The following GRIK2 variants were observed in gnomAD, a reference collection of about 807,000 sequenced individuals.
The protein encoded by GRIK2 is glutamate receptor ionotropic, kainate 2.
GRIK2 carries 32 observed loss-of-function variants against 100.3 expected under a neutral mutation model. The ratio of observed to expected loss-of-function variants is 0.32; its 90% CI spans 0.24 to 0.43. GRIK2 has a LOEUF of 0.43. Ranked by LOEUF, GRIK2 falls within the 20% of genes least tolerant of loss-of-function variation. GRIK2 has a pLI of 1.00. For synonymous variants in GRIK2, 417 were observed against 389.4 expected (o/e 1.07, Z -0.83); for missense variants, 843 against 1,114.9 (o/e 0.76, Z 3.47).
chr6:102,061,425 C>T (rs1006151451), intron 16 of GRIK2, among the ~76,000 whole-genome samples: 6 of 150,406 alleles, frequency 4.0e-5, no homozygotes, highest in Non-Finnish European at 9.0e-5. Context: ...AACAGTGTTT[C>T]AACCATATCA....
At chr6:102,065,750 A>T (rs1771986099) in intron 16 of GRIK2, 1 of 1,282,060 alleles carries the variant, frequency 7.8e-7, no homozygotes, top group Non-Finnish European at 1.1e-6. Flanking sequence ...TCAAGTTTTG[A>T]CCATGTTATG....
At chr6:101,621,556 T>C (rs748141437) in intron 2 of GRIK2, among the ~76,000 whole-genome samples, 3 of 152,162 alleles carry the variant, frequency 2.0e-5, no homozygotes, top group South Asian at 2.1e-4. Flanking sequence ...ATGAAGAGGA[T>C]TGATTATTCT....
chr6:101,936,801 A>G (rs904693385), intron 14 of GRIK2, among the ~76,000 whole-genome samples: 1 of 152,182 alleles, frequency 6.6e-6, no homozygotes, highest in African/African-American at 2.4e-5. Flanking sequence ...CATATGAGTC[A>G]AAGACTTTCC....
At chr6:101,540,785 T>G (rs987659334) in intron 2 of GRIK2, among the ~76,000 whole-genome samples, 2 of 152,010 alleles carry the variant, frequency 1.3e-5, no homozygotes, top group African/African-American at 4.8e-5. Flanking sequence ...ACAGATATAA[T>G]GTAATTATAT....
At chr6:101,456,091 T>C (rs1417745621) in intron 2 of GRIK2, among the ~76,000 whole-genome samples, 1 of 151,514 alleles carries the variant, frequency 6.6e-6, no homozygotes, top group Non-Finnish European at 1.5e-5. Context: ...CTTTAAGTTG[T>C]TGGACATTAG....
chr6:101,983,050 G>A (rs560112464), intron 14 of GRIK2, among the ~76,000 whole-genome samples: 43 of 151,900 alleles, frequency 2.8e-4, no homozygotes, highest in African/African-American at 1.0e-3. Context: ...ATGAAGTAAT[G>A]TCTTTATTTT....
chr6:101,422,684 G>T (rs1582414127), intron 2 of GRIK2, among the ~76,000 whole-genome samples: 1 of 149,754 alleles, frequency 6.7e-6, no homozygotes, highest in Admixed American at 6.7e-5. Flanking sequence ...AAAAAAAAAA[G>T]AAGAAGAAAC....
At chr6:101,603,371 A>G (rs1468986542) in intron 2 of GRIK2, among the ~76,000 whole-genome samples, 1 of 151,654 alleles carries the variant, frequency 6.6e-6, no homozygotes, top group Non-Finnish European at 1.5e-5. Flanking sequence ...GGTGGATAAG[A>G]CAGAGTCTTG....
chr6:101,674,065 A>G (rs961148632), intron 4 of GRIK2, among the ~76,000 whole-genome samples: 3 of 152,152 alleles, frequency 2.0e-5, no homozygotes, highest in African/African-American at 7.2e-5. Flanking sequence ...ACCTTTATGA[A>G]GTTGAGAATC....
intron 14 of GRIK2, among the ~76,000 whole-genome samples, chr6:101,982,801 A>AC (rs1432297358): frequency 1.3e-5 from 2 of 151,662 alleles, no homozygotes; most frequent in African/African-American, 2.4e-5. Flanking sequence ...GCCCTCAGGT[A>AC]CCCGTTACCT....
chr6:101,644,818 C>T (rs1229774197), intron 4 of GRIK2, among the ~76,000 whole-genome samples: 1 of 151,618 alleles, frequency 6.6e-6, no homozygotes, highest in East Asian at 1.9e-4. Context: ...ATTTTCTCAC[C>T]CTCTTTGAGG....
intron 2 of GRIK2, among the ~76,000 whole-genome samples, chr6:101,502,627 G>C (rs1773818784): frequency 2.6e-5 from 4 of 151,860 alleles, no homozygotes; most frequent in Admixed American, 2.6e-4. Flanking sequence ...TAATTACTTT[G>C]AAGAACAGTA....
intron 16 of GRIK2, among the ~76,000 whole-genome samples, chr6:102,061,063 A>T (rs1005766803): frequency 1.2e-4 from 18 of 150,464 alleles, no homozygotes; most frequent in African/African-American, 4.4e-4. Context: ...ATGAATTTTT[A>T]AAATGTCTTG....
intron 7 of GRIK2, among the ~76,000 whole-genome samples, chr6:101,789,880 A>C (rs1443306729): frequency 3.3e-5 from 5 of 152,068 alleles, no homozygotes; most frequent in South Asian, 2.1e-4. Flanking sequence ...CTTTTATTTC[A>C]TTGAGCAGTG....
chr6:101,638,908 GC>G (rs1218212649), intron 4 of GRIK2, among the ~76,000 whole-genome samples: 1 of 152,020 alleles, frequency 6.6e-6, no homozygotes, highest in African/African-American at 2.4e-5. Flanking sequence ...GATTGCTTGA[GC>G]CCAGGAAGTT....
At chr6:101,747,208 ATTTTAACAC>A (rs1352345280) in intron 7 of GRIK2, among the ~76,000 whole-genome samples, 1 of 152,166 alleles carries the variant, frequency 6.6e-6, no homozygotes, top group Non-Finnish European at 1.5e-5. Flanking sequence ...GGGAGGAAGA[ATTTTAACAC>A]TTGGAACCCT....
At chr6:101,431,952 A>G (rs1226354617) in intron 2 of GRIK2, among the ~76,000 whole-genome samples, 1 of 152,182 alleles carries the variant, frequency 6.6e-6, no homozygotes, top group Non-Finnish European at 1.5e-5. Context: ...ACAAAACATT[A>G]TGCCTCATTA....
intron 2 of GRIK2, among the ~76,000 whole-genome samples, chr6:101,417,577 A>G (rs1776212509): frequency 6.6e-6 from 1 of 152,208 alleles, no homozygotes; most frequent in African/African-American, 2.4e-5. Flanking sequence ...GCCTGCACAC[A>G]GATATAATCA....
In GRIK2 at chr6:101,836,643, G is replaced by GTA. The variant is rs201661389; in HGVS notation, c.1317+18178_1317+18179dup. Among the ~76,000 whole-genome samples the GTA allele has an allele frequency of 2.2e-3, 191 of 86,366 alleles. 2 individuals carry two copies. The highest frequency in any genetic ancestry group is 0.014 in the Middle Eastern group (1 of 72). 56.7% of individuals were successfully genotyped at this position (86,366 alleles called of 152,430 possible). A position where few individuals can be genotyped will look rare whatever the true frequency, so the allele number is the denominator to read the frequency against. ...GTTATATATATATATATATGTATGTGTATATATATATATATATATTTTTTT... is the reference window on the plus strand; with the variant it reads ...GTTATATATATATATATATGTATGTGTATATATATATATATATATATTTTTTT... On this transcript the variant is annotated intron_variant, in intron 10 of 16. Coordinates refer to ENST00000369134, the MANE Select transcript of GRIK2 (RefSeq NM_021956.5).
Sources: allele counts gnomAD v4.1 joint callset (sites outside exome capture counted in the v4.1 genomes callset), GRCh38; gene constraint gnomAD v4.1.1; transcripts MANE v1.5; gene names NCBI Gene and HGNC (gene_info 2026-07-23, HGNC 2026-07-21).